MAP7: variants seen among roughly 807,000 people sequenced by gnomAD.
MAP7 encodes ensconsin.
A neutral mutation model predicts 94.8 loss-of-function variants in MAP7; 52 were observed. That is an observed-to-expected ratio of 0.55 (90% CI 0.44 to 0.69). The LOEUF (loss-of-function observed/expected upper bound fraction) is 0.69, where lower values mean the gene tolerates loss of function less well. MAP7 is among the 30% of genes least tolerant of loss of function. The pLI, the probability that MAP7 is intolerant of heterozygous loss-of-function variation, is 0.00. For missense variants in MAP7, 940 were observed against 964.6 expected, an observed-to-expected ratio of 0.97 and a Z score of 0.34; for synonymous variants, 350 against 357.0, an observed-to-expected ratio of 0.98 and a Z score of 0.22.
At chr6:136,451,382 T>C (rs1005190801) in intron 1 of MAP7, among the ~76,000 whole-genome samples, 1 of 152,234 alleles carries the variant, frequency 6.6e-6, no homozygotes, top group Non-Finnish European at 1.5e-5. Context: ...GTTGACAGCA[T>C]GGTTTACTCA....
intron 1 of MAP7, among the ~76,000 whole-genome samples, chr6:136,516,369 G>C (rs1475921393): frequency 6.6e-6 from 1 of 152,026 alleles, no homozygotes; most frequent in African/African-American, 2.4e-5. Context: ...TGTTGCCAGG[G>C]CTGTTCTTGA....
intron 5 of MAP7, among the ~76,000 whole-genome samples, chr6:136,384,677 G>T (rs571955255): frequency 6.6e-6 from 1 of 152,008 alleles, no homozygotes; most frequent in African/African-American, 2.4e-5. Context: ...TAGAGGTGGG[G>T]TTCTCATTAC....
chr6:136,478,187 C>T (rs1319299500), intron 1 of MAP7, among the ~76,000 whole-genome samples: 1 of 152,070 alleles, frequency 6.6e-6, no homozygotes, highest in African/African-American at 2.4e-5. Context: ...ATCAAAAAAG[C>T]TGAAAAACTT....
chr6:136,451,956 G>A (rs1214241731), intron 1 of MAP7, among the ~76,000 whole-genome samples: 1 of 152,178 alleles, frequency 6.6e-6, no homozygotes, highest in Non-Finnish European at 1.5e-5. Context: ...CAGCACTTTG[G>A]GAGGCTGAGG....
chr6:136,526,206 CT>C (rs1472264327), intron 1 of MAP7: 2 of 1,234,450 alleles, frequency 1.6e-6, no homozygotes, highest in Non-Finnish European at 2.0e-6. Context: ...TACCAGCCCC[CT>C]CCCACTGACT....
At chr6:136,394,968 A>ATATATATATATC (rs1477760854) in intron 3 of MAP7, among the ~76,000 whole-genome samples, 12 of 130,588 alleles carry the variant, frequency 9.2e-5, no homozygotes, top group African/African-American at 3.1e-4. Context: ...ATATATATAT[A>ATATATATATATC]TATCACATTT....
At chr6:136,389,598 T>A in intron 3 of MAP7, 81 bp from the exon 4 acceptor site, 2 of 1,319,486 alleles carry the variant, frequency 1.5e-6, no homozygotes, top group East Asian at 2.3e-5. Context: ...AGGGCTGTAT[T>A]AAGTGGTCTA....
intron 1 of MAP7, among the ~76,000 whole-genome samples, chr6:136,456,849 GGAAGAAGAAGAAGAAGAAGAA>G (rs1325119971): frequency 4.8e-3 from 345 of 72,460 alleles, no homozygotes; most frequent in South Asian, 0.023. Flanking sequence ...AAGAAGAAGA[GGAAGAAGAAGAAGAAGAAGAA>G]GAAATACTTC....
At chr6:136,420,456 A>C (rs1270798314) in intron 2 of MAP7, 4 of 481,796 alleles carry the variant, frequency 8.3e-6, no homozygotes, top group African/African-American at 7.8e-5. Context: ...AAGAATTTCT[A>C]CTTCCATAGA....
intron 1 of MAP7, among the ~76,000 whole-genome samples, chr6:136,472,666 A>G (rs1447485202): frequency 6.6e-6 from 1 of 152,136 alleles, no homozygotes. Context: ...GAAGGAAAAA[A>G]GTCAAGTCTA....
chr6:136,378,771 G>T (rs1760006192), intron 6 of MAP7, among the ~76,000 whole-genome samples: 1 of 152,166 alleles, frequency 6.6e-6, no homozygotes. Flanking sequence ...TCCAGTGATG[G>T]CTCATGAAAA....
chr6:136,460,526 C>T (rs1804852378), intron 1 of MAP7, among the ~76,000 whole-genome samples: 1 of 152,122 alleles, frequency 6.6e-6, no homozygotes. Context: ...TAATTCGTCA[C>T]CTAAAAACAG....
intron 1 of MAP7, among the ~76,000 whole-genome samples, chr6:136,448,735 A>G (rs1407369937): frequency 6.6e-6 from 1 of 151,792 alleles, no homozygotes; most frequent in Non-Finnish European, 1.5e-5. Context: ...CTTATAAAGG[A>G]CTCCCATTCT....
At chr6:136,486,879 GTATC>G (rs2128979830) in intron 1 of MAP7, among the ~76,000 whole-genome samples, 1 of 152,246 alleles carries the variant, frequency 6.6e-6, no homozygotes, top group South Asian at 2.1e-4. Context: ...AAATGGAAAA[GTATC>G]TATAACACAT....
chr6:136,514,922 T>C (rs144889043), intron 1 of MAP7, among the ~76,000 whole-genome samples: 2 of 152,300 alleles, frequency 1.3e-5, no homozygotes, highest in Middle Eastern at 3.4e-3. Context: ...TAACAAGAGA[T>C]TCAGCCTGTT....
chr6:136,413,446 C>A (rs758668580), intron 2 of MAP7, among the ~76,000 whole-genome samples: 2 of 150,924 alleles, frequency 1.3e-5, no homozygotes, highest in Non-Finnish European at 3.0e-5. Flanking sequence ...CGCTTGAATC[C>A]GGGAGGTGGA....
chr6:136,400,449 A>G (rs1783759801), intron 3 of MAP7, among the ~76,000 whole-genome samples: 1 of 151,970 alleles, frequency 6.6e-6, no homozygotes, highest in Admixed American at 6.6e-5. Flanking sequence ...GGGAAACAAC[A>G]TTTTTTAAAA....
intron 1 of MAP7, among the ~76,000 whole-genome samples, chr6:136,510,601 G>A (rs1420040033): frequency 1.3e-5 from 2 of 152,120 alleles, no homozygotes; most frequent in East Asian, 1.9e-4. Context: ...CACCCTCATC[G>A]CTGGTTTTGC....
At chr6:136,448,451 A>G (rs1260041218) in intron 1 of MAP7, among the ~76,000 whole-genome samples, 4 of 149,190 alleles carry the variant, frequency 2.7e-5, no homozygotes, top group East Asian at 2.0e-4. Flanking sequence ...TTTTGCTCTT[A>G]TCGTCCAGGC....
Sources: gnomAD v4.1 joint callset for allele counts (sites outside exome capture counted in the v4.1 genomes callset) on GRCh38, gnomAD v4.1.1 for gene constraint, MANE v1.5 for transcripts, NCBI Gene and HGNC (gene_info 2026-07-23, HGNC 2026-07-21) for gene names.